The following CNTNAP2 variants were observed in gnomAD, a reference collection of about 807,000 sequenced individuals.
CNTNAP2 encodes the protein contactin associated protein 2, also known as contactin-associated protein-like 2.
Under a neutral mutation model 155.2 loss-of-function variants are expected in CNTNAP2, and 98 were observed. The ratio of observed to expected loss-of-function variants is 0.63; its 90% CI spans 0.54 to 0.75. CNTNAP2 has a LOEUF of 0.75. Ranked by LOEUF, CNTNAP2 falls within the 30% of genes least tolerant of loss-of-function variation. The pLI is 0.00. For synonymous variants in CNTNAP2, 651 were observed against 631.2 expected (o/e 1.03, Z -0.47); for missense variants, 1,727 against 1,688.1 (o/e 1.02, Z -0.40).
At chr7:146,204,558 C>A (rs1419083875) in intron 1 of CNTNAP2, among the ~76,000 whole-genome samples, 1 of 151,900 alleles carries the variant, frequency 6.6e-6, no homozygotes, top group African/African-American at 2.4e-5. Context: ...ATTCCAAAAC[C>A]CAGAAAACTG....
chr7:147,673,850 T>C (rs1385352004), intron 13 of CNTNAP2, among the ~76,000 whole-genome samples: 1 of 152,228 alleles, frequency 6.6e-6, no homozygotes, highest in Non-Finnish European at 1.5e-5. Flanking sequence ...AAATGCTACC[T>C]ATACTTCTTT....
At chr7:148,021,274 C>A (rs904871463) in intron 15 of CNTNAP2, among the ~76,000 whole-genome samples, 1 of 152,130 alleles carries the variant, frequency 6.6e-6, no homozygotes, top group Non-Finnish European at 1.5e-5. Context: ...GTGCCACTGT[C>A]GGCCACGTAT....
intron 3 of CNTNAP2, among the ~76,000 whole-genome samples, chr7:146,929,245 C>T (rs575697575): frequency 6.6e-6 from 1 of 152,282 alleles, no homozygotes; most frequent in Admixed American, 6.5e-5. Flanking sequence ...ACAAAACTTC[C>T]AGAGGAATGA....
In CNTNAP2 at chr7:146,638,476, C is replaced by CTTT. The variant is rs879600389; in HGVS notation, c.98-135775_98-135773dup. On this transcript the variant is annotated intron_variant, in intron 1 of 23. Coordinates refer to ENST00000361727, the MANE Select transcript of CNTNAP2 (RefSeq NM_014141.6). The stretch of plus-strand genomic sequence containing the variant: ...AACAGTTTAATACAGTCAGGTGTTT[C>CTTT]TTTTTTTTTTTTTTTTTTTTTTCTT... 5.6e-3 allele frequency among the ~76,000 whole-genome samples: 361 copies of CTTT among 64,338 alleles called. 4 individuals are homozygous for CTTT. Among genetic ancestry groups the CTTT allele is most frequent in the South Asian group, 8.5e-3 (9 of 1,056 alleles). The allele number at this position is 64,338 out of a possible 152,430, so 42.2% of individuals were successfully genotyped here. A position where few individuals can be genotyped will look rare whatever the true frequency, so the allele number is the denominator to read the frequency against.
At chr7:147,701,018 C>A (rs567888934) in intron 13 of CNTNAP2, among the ~76,000 whole-genome samples, 1 of 152,234 alleles carries the variant, frequency 6.6e-6, no homozygotes, top group East Asian at 1.9e-4. Context: ...CATTCCTCCA[C>A]GGATGCTCAT....
At chr7:146,939,151 T>G (rs534356725) in intron 3 of CNTNAP2, among the ~76,000 whole-genome samples, 1 of 152,150 alleles carries the variant, frequency 6.6e-6, no homozygotes, top group Non-Finnish European at 1.5e-5. Context: ...ACTGTAAATC[T>G]ACCCCCAAAT....
chr7:146,179,202 G>A (rs1487791068), intron 1 of CNTNAP2, among the ~76,000 whole-genome samples: 1 of 152,140 alleles, frequency 6.6e-6, no homozygotes, highest in African/African-American at 2.4e-5. Flanking sequence ...AGTGGATAAT[G>A]AAAGCTATGA....
intron 5 of CNTNAP2, among the ~76,000 whole-genome samples, chr7:147,120,426 G>A (rs949890086): frequency 6.6e-6 from 1 of 151,954 alleles, no homozygotes; most frequent in East Asian, 1.9e-4. Context: ...GAACCCAGAA[G>A]GCTTCTGTAA....
At chr7:146,304,696 C>T (rs1800676811) in intron 1 of CNTNAP2, among the ~76,000 whole-genome samples, 1 of 152,090 alleles carries the variant, frequency 6.6e-6, no homozygotes. Flanking sequence ...TCTGGCTGCC[C>T]TTAACATTTT....
chr7:146,963,400 A>G (rs1797593575), intron 3 of CNTNAP2, among the ~76,000 whole-genome samples: 2 of 152,228 alleles, frequency 1.3e-5, no homozygotes, highest in South Asian at 4.1e-4. Flanking sequence ...GATAGAGGAA[A>G]GAAAAATGTC....
intron 20 of CNTNAP2, among the ~76,000 whole-genome samples, chr7:148,252,977 T>A (rs1796389935): frequency 6.6e-6 from 1 of 151,096 alleles, no homozygotes; most frequent in Admixed American, 6.6e-5. Flanking sequence ...TTGGGGGTGA[T>A]CCTATGCCAG....
chr7:146,550,415 T>TTGTTTG (rs751347925), intron 1 of CNTNAP2, among the ~76,000 whole-genome samples: 3,631 of 115,812 alleles, frequency 0.031, 145 homozygotes, highest in Middle Eastern at 0.06. Flanking sequence ...TTTTTTTTTT[T>TTGTTTG]TTTTTTTTTT....
chr7:147,171,329 A>G (rs1395076632), intron 8 of CNTNAP2, among the ~76,000 whole-genome samples: 1 of 152,146 alleles, frequency 6.6e-6, no homozygotes, highest in Non-Finnish European at 1.5e-5. Flanking sequence ...TTTAAATTAC[A>G]GTGGTTTAGA....
At chr7:147,027,002 CAGAAAAAAAAAAAAACAAAAAAA>C (rs1370899554) in intron 3 of CNTNAP2, among the ~76,000 whole-genome samples, 1 of 72,436 alleles carries the variant, frequency 1.4e-5, no homozygotes, top group Non-Finnish European at 2.8e-5. Context: ...CAAAACAGAA[CAGAAAAAAAAAAAAACAAAAAAA>C]AGAAAAAAAA....
At chr7:148,202,017 G>A (rs1004619963) in intron 18 of CNTNAP2, among the ~76,000 whole-genome samples, 3 of 152,064 alleles carry the variant, frequency 2.0e-5, no homozygotes, top group Admixed American at 1.3e-4. Flanking sequence ...TGAAGCAGGG[G>A]CCCTTGAGAA....
In CNTNAP2 at chr7:146,754,550, CTCTG is replaced by C. The variant is rs1486133290; in HGVS notation, c.98-19717_98-19714del. Among the ~76,000 whole-genome samples, 102 of 122,324 alleles carry C rather than the reference CTCTG, an allele frequency of 8.3e-4. 2 individuals carry two copies. The highest frequency in any genetic ancestry group is 1.1e-3 in the African/African-American group (33 of 30,092). 80.2% of individuals were successfully genotyped at this position (122,324 alleles called of 152,430 possible). A position where few individuals can be genotyped will look rare whatever the true frequency, so the allele number is the denominator to read the frequency against. On this transcript the variant is annotated intron_variant, in intron 1 of 23. Transcript: ENST00000361727. Reference sequence around the variant, plus strand: ...GTTGTTAGAGTCTCTCTCTCTCTCTCTCTGTCTCTCTCTCTCTCTCTCTCTCTCT... The same window carrying C: ...GTTGTTAGAGTCTCTCTCTCTCTCTCTCTCTCTCTCTCTCTCTCTCTCTCT...
intron 23 of CNTNAP2, among the ~76,000 whole-genome samples, chr7:148,413,448 T>TATATATATA (rs1563079571): frequency 9.9e-6 from 1 of 101,478 alleles, no homozygotes; most frequent in African/African-American, 4.3e-5. Flanking sequence ...ATATATATAT[T>TATATATATA]GCTCCATAGT....
intron 11 of CNTNAP2, among the ~76,000 whole-genome samples, chr7:147,506,576 G>A (rs1036310933): frequency 4.6e-5 from 7 of 152,090 alleles, no homozygotes; most frequent in African/African-American, 1.2e-4. Context: ...ATTTTGACAC[G>A]TCCTTCCAGT....
At chr7:146,355,400 G>A (rs1794983743) in intron 1 of CNTNAP2, among the ~76,000 whole-genome samples, 1 of 152,164 alleles carries the variant, frequency 6.6e-6, no homozygotes, top group Non-Finnish European at 1.5e-5. Flanking sequence ...GAACACAGGA[G>A]CAACCTTCTA....
Sources: allele counts gnomAD v4.1 joint callset (sites outside exome capture counted in the v4.1 genomes callset), GRCh38; gene constraint gnomAD v4.1.1; transcripts MANE v1.5; gene names NCBI Gene and HGNC (gene_info 2026-07-23, HGNC 2026-07-21).